SLIT2: variants seen among roughly 807,000 people sequenced by gnomAD.
SLIT2 encodes slit guidance ligand 2, also known as slit homolog 2 protein.
SLIT2 carries 41 observed loss-of-function variants against 185.7 expected under a neutral mutation model. The observed-to-expected ratio is 0.22, with a 90% CI of 0.17 to 0.29. The LOEUF is 0.29. SLIT2 is among the 10% of genes least tolerant of loss of function. SLIT2 has a pLI of 1.00. For missense variants in SLIT2, 1,571 were observed against 1,909.0 expected (o/e 0.82, Z 3.30); for synonymous variants, 693 against 680.2 (o/e 1.02, Z -0.29).
chr4:20,510,074 T>G (rs1577817015), intron 9 of SLIT2, among the ~76,000 whole-genome samples: 1 of 152,190 alleles, frequency 6.6e-6, no homozygotes, highest in African/African-American at 2.4e-5. Flanking sequence ...CTTATAAAAT[T>G]TAATATTCAA....
intron 36 of SLIT2, among the ~76,000 whole-genome samples, chr4:20,618,052 G>T (rs1351977674): frequency 6.6e-6 from 1 of 152,166 alleles, no homozygotes; most frequent in Non-Finnish European, 1.5e-5. Context: ...AGAGAAGATG[G>T]TCCTCTTAAT....
intron 4 of SLIT2, among the ~76,000 whole-genome samples, chr4:20,286,519 A>T (rs1715281594): frequency 6.6e-6 from 1 of 152,126 alleles, no homozygotes; most frequent in Non-Finnish European, 1.5e-5. Context: ...TACAGCTAGG[A>T]GGCCAGGTGC....
At chr4:20,352,887 T>C (rs573543315) in intron 4 of SLIT2, among the ~76,000 whole-genome samples, 5 of 152,180 alleles carry the variant, frequency 3.3e-5, no homozygotes, top group Non-Finnish European at 7.3e-5. Flanking sequence ...CAATCCAGCC[T>C]GAAAACTGAG....
chr4:20,354,112 G>T (rs1722108434), intron 4 of SLIT2, among the ~76,000 whole-genome samples: 1 of 151,936 alleles, frequency 6.6e-6, no homozygotes, highest in Non-Finnish European at 1.5e-5. Flanking sequence ...AGAAATTTTT[G>T]CAATTTCCCT....
chr4:20,608,396 T>C (rs1728950729), intron 33 of SLIT2, among the ~76,000 whole-genome samples: 1 of 152,170 alleles, frequency 6.6e-6, no homozygotes, highest in South Asian at 2.1e-4. Flanking sequence ...AAGAGAGTCA[T>C]ATTTAAAACC....
intron 4 of SLIT2, among the ~76,000 whole-genome samples, chr4:20,388,898 A>G (rs1162682490): frequency 1.4e-5 from 2 of 146,726 alleles, no homozygotes; most frequent in Admixed American, 6.9e-5. Context: ...CATAATATAT[A>G]TAATATATAC....
intron 4 of SLIT2, among the ~76,000 whole-genome samples, chr4:20,352,242 A>T (rs997729356): frequency 6.6e-6 from 1 of 152,162 alleles, no homozygotes; most frequent in South Asian, 2.1e-4. Flanking sequence ...AACGCTATTC[A>T]TCATCCATTG....
At chr4:20,490,879 T>C in intron 8 of SLIT2, 1 of 1,266,954 alleles carries the variant, frequency 7.9e-7, no homozygotes, top group South Asian at 1.3e-5. Context: ...TTTAGAGGGA[T>C]AGAATTAGCA....
chr4:20,294,790 C>T (rs535228728), intron 4 of SLIT2, among the ~76,000 whole-genome samples: 2 of 152,230 alleles, frequency 1.3e-5, no homozygotes, highest in African/African-American at 4.8e-5. Context: ...TTCTGAGGTT[C>T]ATAAAACAGG....
At chr4:20,478,829 C>G (rs781207298) in intron 5 of SLIT2, among the ~76,000 whole-genome samples, 32 of 151,828 alleles carry the variant, frequency 2.1e-4, no homozygotes, top group Admixed American at 7.2e-4. Flanking sequence ...ATATATATAG[C>G]ACTTTAAAAT....
intron 4 of SLIT2, among the ~76,000 whole-genome samples, chr4:20,283,695 T>C (rs1386117616): frequency 6.6e-6 from 1 of 152,108 alleles, no homozygotes; most frequent in Non-Finnish European, 1.5e-5. Flanking sequence ...AAGACACAAA[T>C]GAAAACAGAA....
At chr4:20,373,286 T>G (rs1334580370) in intron 4 of SLIT2, among the ~76,000 whole-genome samples, 1 of 152,156 alleles carries the variant, frequency 6.6e-6, no homozygotes, top group African/African-American at 2.4e-5. Context: ...AGTAGATCAA[T>G]TTCTCCGCAT....
chr4:20,571,252 A>G (rs1358263200), intron 29 of SLIT2, among the ~76,000 whole-genome samples: 2 of 152,150 alleles, frequency 1.3e-5, no homozygotes, highest in African/African-American at 2.4e-5. Context: ...ACTTATAACT[A>G]TTGCAAATGT....
intron 17 of SLIT2, among the ~76,000 whole-genome samples, chr4:20,532,269 A>C (rs1721879759): frequency 6.6e-6 from 1 of 152,192 alleles, no homozygotes; most frequent in Admixed American, 6.5e-5. Flanking sequence ...GAGCCTAAGC[A>C]TCTTACTTTA....
At chr4:20,493,989 A>G (rs1037607890) in intron 9 of SLIT2, among the ~76,000 whole-genome samples, 2 of 152,220 alleles carry the variant, frequency 1.3e-5, no homozygotes, top group African/African-American at 4.8e-5. Context: ...GTACCAGGAA[A>G]CAAGTTGTAA....
chr4:20,532,199 G>A, intron 17 of SLIT2, 141 bp downstream of exon 17: 1 of 575,092 alleles, frequency 1.7e-6, no homozygotes, highest in Non-Finnish European at 3.1e-6. Context: ...TGAATTTAGG[G>A]TAATCTCTGC....
rs988392846 is a variant in SLIT2, at chr4:20,618,909, G to A, written c.4490G>A (p.Ser1497Asn). The A allele has an allele frequency of 6.2e-7, 1 of 1,614,140 alleles. No individual in the cohort carries two copies. Among genetic ancestry groups the A allele is most frequent in the Admixed American group, 1.7e-5 (1 of 60,016 alleles). The change falls in exon 37 of 37, where the codon AGC (serine) becomes AAC (asparagine). Residue 1497 changes from serine to asparagine, a missense_variant. Physicochemically the swap from Ser to Asn is conservative, Grantham distance 46. Coordinates refer to ENST00000504154, the MANE Select transcript of SLIT2 (RefSeq NM_004787.4). ...AGGQCCGPLR[S>N]KRRKYSFECT... ...GGGCAGTGCTGTGGACCGCTGAGGAGCAAGCGGCGGAAATACTCTTTCGAA... is the reference window on the plus strand; with the variant it reads ...GGGCAGTGCTGTGGACCGCTGAGGAACAAGCGGCGGAAATACTCTTTCGAA...
At position 20,618,867 on chromosome 4, in the gene SLIT2, G is replaced by A. The variant is rs201762598; in HGVS notation, c.4448G>A (p.Arg1483Lys). 1 of 1,614,188 alleles carries A rather than the reference G, an allele frequency of 6.2e-7. No individual in the cohort carries two copies. The highest frequency in any genetic ancestry group is 2.2e-5 in the East Asian group (1 of 44,830). Residue 1483 changes from arginine (R) to lysine (K), a missense_variant, in exon 37 of 37, where the codon AGA becomes AAA. Physicochemically the swap from Arg to Lys is conservative, Grantham distance 26. This residue lies in a region of SLIT2 where 223 missense variants were observed against 245.2 expected (regional missense o/e 0.91). Transcript: ENST00000504154. ...AAGAAGGTGTCCCGATTAGAGTGCA[G>A]AGGTGGGTGTGCAGGAGGGCAGTGC... ...TTKKVSRLEC[R>K]GGCAGGQCCG... is the part of the protein sequence containing the mutation.
intron 33 of SLIT2, among the ~76,000 whole-genome samples, chr4:20,600,888 A>T (rs1019145309): frequency 2.6e-5 from 4 of 151,544 alleles, no homozygotes; most frequent in African/African-American, 7.3e-5. Context: ...AGATATGTAG[A>T]TATGTATAAT....
Sources: allele counts gnomAD v4.1 joint callset (sites outside exome capture counted in the v4.1 genomes callset), GRCh38; gene constraint gnomAD v4.1.1; regional missense constraint gnomAD v4.1.1; transcripts MANE v1.5; gene names NCBI Gene and HGNC (gene_info 2026-07-23, HGNC 2026-07-21).